The following FIP1L1 variants were observed in gnomAD, a reference collection of about 807,000 sequenced individuals.
The protein encoded by FIP1L1 is factor interacting with PAPOLA and CPSF1.
Under a neutral mutation model 84.6 loss-of-function variants are expected in FIP1L1, and 21 were observed. The ratio of observed to expected loss-of-function variants is 0.25; its 90% CI spans 0.18 to 0.36. FIP1L1 has a LOEUF of 0.36. FIP1L1 is among the 10% of genes least tolerant of loss of function. The probability of loss-of-function intolerance (pLI) is 1.00; values close to 1 mark genes in which losing one functional copy is unlikely to be tolerated. For synonymous variants in FIP1L1, 263 were observed against 242.3 expected (o/e 1.09, Z -0.80); for missense variants, 526 against 751.1 (o/e 0.70, Z 3.50).
chr4:53,412,904 T>C (rs1484979034), intron 10 of FIP1L1, among the ~76,000 whole-genome samples: 1 of 152,166 alleles, frequency 6.6e-6, no homozygotes. Context: ...ATGTAACTCT[T>C]ATTTCTCTTA....
At chr4:53,440,782 G>C (rs779988595) in intron 13 of FIP1L1, 1 of 581,412 alleles carries the variant, frequency 1.7e-6, no homozygotes, top group Non-Finnish European at 3.1e-6. Context: ...AAGATATTTA[G>C]TTTTCTTATA....
chr4:53,456,485 G>C (rs1719036278), intron 16 of FIP1L1, among the ~76,000 whole-genome samples: 1 of 151,888 alleles, frequency 6.6e-6, no homozygotes, highest in Non-Finnish European at 1.5e-5. Context: ...ATTATCCCAG[G>C]AAAAAATTAC....
At chr4:53,383,726 G>A (rs1739350712) in intron 4 of FIP1L1, 47 bp from the exon 5 acceptor site, 5 of 1,520,778 alleles carry the variant, frequency 3.3e-6, no homozygotes, top group Non-Finnish European at 4.4e-6. Context: ...ATTAGATGTT[G>A]AAATGGATTA....
At chr4:53,406,630 A>G (rs1242522480) in intron 10 of FIP1L1, among the ~76,000 whole-genome samples, 2 of 152,134 alleles carry the variant, frequency 1.3e-5, no homozygotes, top group East Asian at 1.9e-4. Context: ...CTGTGAATCC[A>G]TCTGGTCCTG....
Position 53,460,038 on chromosome 4 carries a change from G to A in FIP1L1, c.*589G>A, listed in dbSNP as rs1721555882. 1 of 162,020 alleles carries A rather than the reference G, an allele frequency of 6.2e-6. No individual in the cohort carries two copies. The highest frequency in any genetic ancestry group is 8.8e-5 in the Admixed American group (1 of 11,366). 10.0% of individuals were successfully genotyped at this position (162,020 alleles called of 1,614,324 possible). A position where few individuals can be genotyped will look rare whatever the true frequency, so the allele number is the denominator to read the frequency against. On this transcript the variant is annotated 3_prime_UTR_variant, in exon 18 of 18. Transcript: ENST00000337488. ...ATTAATAAAACCTATAAGGCATCTG[G>A]GTGGCCTCTATGAAATAAATTAATT...
chr4:53,409,075 T>G (rs1239238853), intron 10 of FIP1L1, among the ~76,000 whole-genome samples: 1 of 152,206 alleles, frequency 6.6e-6, no homozygotes, highest in Admixed American at 6.5e-5. Context: ...GGCACTCTGC[T>G]TTTTAGAGTT....
chr4:53,380,997 T>G (rs1450582878), intron 3 of FIP1L1, among the ~76,000 whole-genome samples: 4 of 152,182 alleles, frequency 2.6e-5, no homozygotes, highest in Non-Finnish European at 5.9e-5. Context: ...TTGCTAAAAT[T>G]TATTGGAGGG....
chr4:53,428,927 T>C (rs1765414023), intron 13 of FIP1L1, among the ~76,000 whole-genome samples: 1 of 152,232 alleles, frequency 6.6e-6, no homozygotes, highest in South Asian at 2.1e-4. Flanking sequence ...CTGCTTGTCC[T>C]CATCAGGGCA....
intron 16 of FIP1L1, among the ~76,000 whole-genome samples, chr4:53,454,433 T>G (rs1267992612): frequency 6.6e-6 from 1 of 152,240 alleles, no homozygotes; most frequent in Non-Finnish European, 1.5e-5. Flanking sequence ...AACTGACACT[T>G]GACTGTATAC....
In FIP1L1 at chr4:53,460,212, A is replaced by G. The variant is rs1721626499; in HGVS notation, c.*763A>G. The G allele has an allele frequency of 5.1e-6, 1 of 195,666 alleles. No homozygotes were observed. 12.1% of individuals were successfully genotyped at this position (195,666 alleles called of 1,614,324 possible). ...ATTTTCCAAGGCCCACTGGTGGAGC[A>G]GCATGAGTTTTTATACAGTTACTAA... On this transcript the variant is annotated 3_prime_UTR_variant, in exon 18 of 18. Transcript: ENST00000337488.
intron 12 of FIP1L1, among the ~76,000 whole-genome samples, 188 bp from the exon 13 acceptor site, chr4:53,427,839 T>C (rs1764949452): frequency 6.6e-6 from 1 of 152,224 alleles, no homozygotes; most frequent in Non-Finnish European, 1.5e-5. Flanking sequence ...TGTATGTATG[T>C]GTATACTCAC....
chr4:53,456,696 T>C (rs1229677397), intron 16 of FIP1L1, among the ~76,000 whole-genome samples: 2 of 152,132 alleles, frequency 1.3e-5, no homozygotes, highest in Non-Finnish European at 2.9e-5. Flanking sequence ...TGAAATGAAC[T>C]CTAATAATTT....
Position 53,389,820 on chromosome 4 carries a change from C to A in FIP1L1, c.344C>A (p.Thr115Lys). 1 of 1,602,044 alleles carries A rather than the reference C, an allele frequency of 6.2e-7. No homozygotes were observed. The highest frequency in any genetic ancestry group is 8.5e-7 in the Non-Finnish European group (1 of 1,176,006). Residue 115 changes from threonine to lysine, a missense_variant, in exon 6 of 18, where the codon ACA becomes AAA. By Grantham distance (78) the Thr-to-Lys change is moderately conservative (BLOSUM62 -1). Around this residue, in one of 6 missense-constraint regions of FIP1L1, gnomAD observed 169 missense variants for 206.9 expected, o/e 0.82. Coordinates refer to ENST00000337488, the MANE Select transcript of FIP1L1 (RefSeq NM_030917.4). Reference protein sequence around the residue: ...TGAPQYGSYGTAPVNLNIKTG... With the variant: ...TGAPQYGSYGKAPVNLNIKTG... ...TTGTTTGTTTTTAGGAGTTATGGTA[C>A]AGCACCTGTAAATCTTAACATCAAG...
At chr4:53,420,329 T>C (rs1009863940) in intron 11 of FIP1L1, among the ~76,000 whole-genome samples, 2 of 148,662 alleles carry the variant, frequency 1.3e-5, no homozygotes, top group African/African-American at 5.0e-5. Context: ...CTCGGGAGGC[T>C]GAGGCAGGAG....
chr4:53,400,961 A>G (rs1578331097), intron 10 of FIP1L1, among the ~76,000 whole-genome samples: 1 of 152,148 alleles, frequency 6.6e-6, no homozygotes, highest in African/African-American at 2.4e-5. Context: ...TGCAGTATAG[A>G]GTGATGGTAA....
Position 53,391,153 on chromosome 4 carries a change from A to G in FIP1L1, c.636+14A>G, listed in dbSNP as rs139566462. The G allele has an allele frequency of 6.7e-5, 107 of 1,592,382 alleles. 1 individual carries two copies. In the African/African-American group the frequency reaches 1.3e-3, roughly 20 times the overall value. On this transcript the variant is annotated intron_variant, in intron 8 of 17. Transcript: ENST00000337488. ...AATAAAATTACGGTAATTAATAAATACTCCGGAATACCCTTGGCTTGTCTA... is the reference window on the plus strand; with the variant it reads ...AATAAAATTACGGTAATTAATAAATGCTCCGGAATACCCTTGGCTTGTCTA...
At position 53,460,382 on chromosome 4, in the gene FIP1L1, A is replaced by AT. The variant is rs1372642453; in HGVS notation, c.*933_*934insT. The AT allele has an allele frequency of 1.1e-5, 2 of 190,046 alleles. No homozygotes were observed. The highest frequency in any genetic ancestry group is 4.7e-5 in the African/African-American group (2 of 42,872). 11.8% of individuals were successfully genotyped at this position (190,046 alleles called of 1,614,324 possible). On this transcript the variant is annotated 3_prime_UTR_variant, in exon 18 of 18. Transcript: ENST00000337488. ...CAAATAACATGGTATTTGAAAGAAT[A>AT]AATTACTAGGATCTTTTAAATAGTG...
In FIP1L1 at chr4:53,407,166, TAC is replaced by T. The variant is rs1754053315; in HGVS notation, c.815+7332_815+7333del. Among the ~76,000 whole-genome samples the T allele has an allele frequency of 2.6e-5, 4 of 152,350 alleles. No individual in the cohort carries two copies. The South Asian group carries it at 8.3e-4, about 32-fold the overall frequency. On this transcript the variant is annotated intron_variant, in intron 10 of 17. Transcript: ENST00000337488. ...GCATTCAGTGCTATAAATTTCCGTC[TAC>T]ACACTGCTTTGAATGTGTCCCAGAG...
chr4:53,456,497 C>G (rs1719053256), intron 16 of FIP1L1, among the ~76,000 whole-genome samples: 1 of 152,082 alleles, frequency 6.6e-6, no homozygotes, highest in Non-Finnish European at 1.5e-5. Context: ...AAAAATTACA[C>G]TCTGGAAAAT....
Sources: allele counts gnomAD v4.1 joint callset (sites outside exome capture counted in the v4.1 genomes callset), GRCh38; gene constraint gnomAD v4.1.1; regional missense constraint gnomAD v4.1.1; transcripts MANE v1.5; gene names NCBI Gene and HGNC (gene_info 2026-07-23, HGNC 2026-07-21).